The following XG variants were observed in gnomAD, a reference collection of about 807,000 sequenced individuals.
The protein encoded by XG is Xg glycoprotein (Xg blood group), also known as glycoprotein Xg.
Under a neutral mutation model 25.7 loss-of-function variants are expected in XG, and 24 were observed. That is an observed-to-expected ratio of 0.93 (90% CI 0.68 to 1.31). The LOEUF is 1.31. XG is among the 40% of genes most tolerant of loss of function. The probability of loss-of-function intolerance (pLI) is 0.00; values close to 1 mark genes in which losing one functional copy is unlikely to be tolerated. For missense variants in XG, 181 were observed against 187.6 expected, an observed-to-expected ratio of 0.96 and a Z score of 0.21; for synonymous variants, 77 against 69.2, an observed-to-expected ratio of 1.11 and a Z score of -0.56.
At chrX:2,803,829 T>C (rs2086967366) in intron 7 of XG, among the ~76,000 whole-genome samples, 1 of 111,349 alleles carries the variant, frequency 9.0e-6, no homozygotes, top group South Asian at 3.8e-4. Context: ...ACCATAATTT[T>C]TCTTTTCTTT....
intron 3 of XG, chrX:2,775,139 A>C: frequency 4.8e-6 from 1 of 210,100 alleles, no homozygotes; most frequent in Non-Finnish European, 9.7e-6. Flanking sequence ...TACTCAAAAT[A>C]ATTGAAAACA....
At chrX:2,757,684 G>A (rs2050463694) in intron 1 of XG, among the ~76,000 whole-genome samples, 1 of 151,792 alleles carries the variant, frequency 6.6e-6, no homozygotes, top group Admixed American at 6.6e-5. Context: ...ATATGGGGAA[G>A]TTGTGGGCCG....
intron 4 of XG, among the ~76,000 whole-genome samples, chrX:2,782,931 C>T (rs146462965): frequency 0.014 from 1,526 of 111,581 alleles, 7 homozygotes; most frequent in African/African-American, 0.023. Flanking sequence ...AGTGAAACCA[C>T]GAACTGAATT....
intron 1 of XG, among the ~76,000 whole-genome samples, chrX:2,760,590 A>T (rs2050542452): frequency 1.3e-5 from 2 of 151,028 alleles, no homozygotes; most frequent in Non-Finnish European, 3.0e-5. Context: ...AAAAAAAAAA[A>T]AAAAATTAGC....
chrX:2,774,278 T>A (rs2050924409), intron 2 of XG, among the ~76,000 whole-genome samples: 1 of 152,110 alleles, frequency 6.6e-6, no homozygotes, highest in Non-Finnish European at 1.5e-5. Context: ...ACTCCTGACC[T>A]GATATCCACA....
intron 1 of XG, among the ~76,000 whole-genome samples, chrX:2,769,853 C>A (rs1424888137): frequency 2.0e-5 from 3 of 152,136 alleles, no homozygotes; most frequent in Non-Finnish European, 4.4e-5. Context: ...TAACAAACAG[C>A]CCCCAAAGAA....
rs2087101022 is a variant in XG at position 2,815,912 on chromosome X, T to C, written c.*1532T>C. 8.9e-6 allele frequency: 1 copy of C among 112,025 alleles called. No individual in the cohort carries two copies. Among genetic ancestry groups the C allele is most frequent in the South Asian group, 3.7e-4 (1 of 2,692 alleles). The allele number at this position is 112,025 out of a possible 1,213,427, so 9.2% of individuals were successfully genotyped here. On this transcript the variant is annotated 3_prime_UTR_variant, in exon 11 of 11. Transcript: ENST00000644266. ...ACTATTTTTAATCATTTTAAATAAA[T>C]GTAAAAGAAAAATAACTGGATTTGA...
At chrX:2,773,774 CGAAGGAAGGAAGGAGA>C (rs1407583051) in intron 2 of XG, among the ~76,000 whole-genome samples, 297 of 19,570 alleles carry the variant, frequency 0.015, 3 homozygotes, top group Middle Eastern at 0.045. Flanking sequence ...AAGGAAGGAG[CGAAGGAAGGAAGGAGA>C]GAAGGAAGGA....
chrX:2,810,925 TAAG>T (rs1207039079), intron 9 of XG, among the ~76,000 whole-genome samples: 1 of 55,373 alleles, frequency 1.8e-5, no homozygotes, highest in African/African-American at 6.6e-5. Context: ...CAAAAAATAA[TAAG>T]AAATAAATAA....
intron 7 of XG, among the ~76,000 whole-genome samples, chrX:2,798,585 G>A (rs2086907372): frequency 9.1e-6 from 1 of 110,481 alleles, no homozygotes; most frequent in East Asian, 2.8e-4. Flanking sequence ...TGGTCAGATT[G>A]GTCTTGAACT....
chrX:2,780,519 G>A (rs1360016950), intron 3 of XG, among the ~76,000 whole-genome samples: 4 of 151,352 alleles, frequency 2.6e-5, no homozygotes, highest in Non-Finnish European at 5.9e-5. Context: ...CACAAGGTCA[G>A]GAGTTTGAGA....
At chrX:2,802,737 T>C (rs1426354383) in intron 7 of XG, among the ~76,000 whole-genome samples, 4 of 110,563 alleles carry the variant, frequency 3.6e-5, no homozygotes. Flanking sequence ...GGTTTTACAA[T>C]AGTGATGCCA....
At chrX:2,810,809 G>A (rs2087047234) in intron 9 of XG, among the ~76,000 whole-genome samples, 1 of 110,836 alleles carries the variant, frequency 9.0e-6, no homozygotes, top group African/African-American at 3.3e-5. Flanking sequence ...CCAGCTATTC[G>A]GGAGGCTGAG....
chrX:2,762,093 G>A (rs1415128038), intron 1 of XG, among the ~76,000 whole-genome samples: 1 of 152,114 alleles, frequency 6.6e-6, no homozygotes, highest in Non-Finnish European at 1.5e-5. Flanking sequence ...TGCCACTCTG[G>A]GAAGACGGGT....
intron 3 of XG, among the ~76,000 whole-genome samples, chrX:2,777,497 G>T (rs2124475388): frequency 6.6e-6 from 1 of 152,326 alleles, no homozygotes; most frequent in African/African-American, 2.4e-5. Flanking sequence ...GGAGGCTGAG[G>T]TGGGAGGATC....
Position 2,782,070 on chromosome X carries a change from C to G in XG, c.132C>G (p.Ile44Met). The change falls in exon 4 of 11, where the codon ATC becomes ATG. Residue 44 changes from isoleucine (I) to methionine (M), a missense_variant. Ile to Met is a conservative substitution (Grantham distance 10). Transcript: ENST00000644266. ...PEPTKKPNSDIYPKPKPPYYP... is the reference protein window; with the variant it reads ...PEPTKKPNSDMYPKPKPPYYP... ...GCAATGTTGTTTCCTCCACAGATAT[C>G]TACCCAAAGCCAAAACCACCTTACT... 8.3e-7 allele frequency: 1 copy of G among 1,211,296 alleles called. No homozygotes were observed. Among genetic ancestry groups the G allele is most frequent in the Non-Finnish European group, 1.1e-6 (1 of 895,113 alleles).
chrX:2,791,236 G>A (rs1352350737), intron 5 of XG, among the ~76,000 whole-genome samples: 2 of 111,056 alleles, frequency 1.8e-5, no homozygotes, highest in African/African-American at 6.5e-5. Flanking sequence ...GAGTCTCAGC[G>A]ATTCCATTGG....
In XG at chrX:2,758,473, G is replaced by A. The variant is rs1052959335; in HGVS notation, c.61+6138G>A. On this transcript the variant is annotated intron_variant, in intron 1 of 10. Transcript: ENST00000644266. The stretch of plus-strand genomic sequence containing the variant: ...TGTGCAACCGTGTGGTTACCTTTGC[G>A]TGGAGTCTCATGGATCACTGCCACA... Among the ~76,000 whole-genome samples, 8 of 152,218 alleles carry A rather than the reference G, an allele frequency of 5.3e-5. No homozygotes were observed. The South Asian group carries it at 1.0e-3, about 20-fold the overall frequency.
Position 2,810,955 on chromosome X carries a change from A to C in XG, c.455-381A>C, listed in dbSNP as rs112396982. On this transcript the variant is annotated intron_variant, in intron 9 of 10. Transcript: ENST00000644266. The stretch of plus-strand genomic sequence containing the variant: ...AATAAATAAATAAATAAATAAATAA[A>C]ATTAATTAAAAGGCATACATGAATT... Among the ~76,000 whole-genome samples, 33 of 109,784 alleles carry C rather than the reference A, an allele frequency of 3.0e-4. No homozygotes were observed. In the South Asian group the frequency reaches 4.3e-3, roughly 14 times the overall value.
Sources: allele counts gnomAD v4.1 joint callset (sites outside exome capture counted in the v4.1 genomes callset), GRCh38; gene constraint gnomAD v4.1.1; transcripts MANE v1.5; gene names NCBI Gene and HGNC (gene_info 2026-07-23, HGNC 2026-07-21).